The following CTNND2 variants were observed in gnomAD, a reference collection of about 807,000 sequenced individuals.
The protein encoded by CTNND2 is catenin delta-2.
CTNND2 carries 22 observed loss-of-function variants against 144.4 expected under a neutral mutation model. The ratio of observed to expected loss-of-function variants is 0.15; its 90% confidence interval spans 0.11 to 0.22. The LOEUF is 0.22. Ranked by LOEUF, CTNND2 falls within the 10% of genes least tolerant of loss-of-function variation. CTNND2 has a pLI of 1.00. For synonymous variants in CTNND2, 751 were observed against 695.6 expected, an observed-to-expected ratio of 1.08 and a Z score of -1.25; for missense variants, 1,353 against 1,618.8, an observed-to-expected ratio of 0.84 and a Z score of 2.82.
chr5:11,345,427 A>G (rs976960629), intron 9 of CTNND2, among the ~76,000 whole-genome samples: 7 of 152,230 alleles, frequency 4.6e-5, no homozygotes, highest in Admixed American at 2.6e-4. Flanking sequence ...CGTAAACCAT[A>G]AAATGATCCC....
chr5:11,133,742 C>A (rs1755846667), intron 12 of CTNND2, among the ~76,000 whole-genome samples: 1 of 152,170 alleles, frequency 6.6e-6, no homozygotes, highest in Admixed American at 6.5e-5. Flanking sequence ...TGAGGTCTTG[C>A]AAGTTTATGC....
At chr5:11,389,489 G>A (rs903249582) in intron 6 of CTNND2, among the ~76,000 whole-genome samples, 3 of 151,404 alleles carry the variant, frequency 2.0e-5, no homozygotes, top group African/African-American at 7.3e-5. Flanking sequence ...TACATTACAT[G>A]GTGTGTGTGT....
chr5:11,705,962 C>T (rs13355037), intron 2 of CTNND2, among the ~76,000 whole-genome samples: 17,837 of 152,214 alleles, frequency 0.12, 3,478 homozygotes, highest in African/African-American at 0.4. Flanking sequence ...CTAGAGGAAG[C>T]AGCAGCTGTA....
chr5:11,033,036 T>C (rs1305519032), intron 16 of CTNND2, among the ~76,000 whole-genome samples: 2 of 152,226 alleles, frequency 1.3e-5, no homozygotes, highest in East Asian at 1.9e-4. Context: ...GATATAGCCA[T>C]TGCTGGAAAC....
At chr5:11,109,866 C>A (rs542400155) in intron 14 of CTNND2, among the ~76,000 whole-genome samples, 2 of 152,322 alleles carry the variant, frequency 1.3e-5, no homozygotes, top group South Asian at 4.1e-4. Flanking sequence ...ATATTTTGTA[C>A]AGGCAAATAG....
At chr5:11,579,115 A>G (rs1231533958) in intron 2 of CTNND2, among the ~76,000 whole-genome samples, 2 of 149,646 alleles carry the variant, frequency 1.3e-5, no homozygotes, top group East Asian at 2.0e-4. Flanking sequence ...ATTTAAACCT[A>G]TCTTCAAGCT....
chr5:11,478,295 T>C (rs1314007159), intron 3 of CTNND2, among the ~76,000 whole-genome samples: 3 of 152,352 alleles, frequency 2.0e-5, no homozygotes, highest in Non-Finnish European at 2.9e-5. Context: ...ATACATTTGA[T>C]ATCTGTTTTT....
intron 14 of CTNND2, among the ~76,000 whole-genome samples, chr5:11,099,304 G>A (rs1354143255): frequency 6.6e-6 from 1 of 152,118 alleles, no homozygotes; most frequent in Non-Finnish European, 1.5e-5. Flanking sequence ...TAGTCTATTA[G>A]ACACAATGAC....
chr5:11,570,826 T>C (rs1777497297), intron 2 of CTNND2, among the ~76,000 whole-genome samples: 1 of 152,132 alleles, frequency 6.6e-6, no homozygotes, highest in African/African-American at 2.4e-5. Context: ...AAATTTTTAA[T>C]GCTTTTCTCC....
rs147727512 is a variant in CTNND2, at chr5:11,499,710, T to A, written c.287+65234A>T. On this transcript the variant is annotated intron_variant, in intron 3 of 21. Coordinates refer to ENST00000304623, the MANE Select transcript of CTNND2 (RefSeq NM_001332.4). ...ACCTGATTTCAAATTCATATAAAAA[T>A]TTCTCTTGTCTCAAAGTTTTTTTTA... Among the ~76,000 whole-genome samples, 69 of 152,284 alleles carry A rather than the reference T, an allele frequency of 4.5e-4. No homozygotes were observed. In the East Asian group the frequency reaches 0.013, roughly 29 times the overall value.
At chr5:11,375,349 C>A (rs1757834352) in intron 7 of CTNND2, among the ~76,000 whole-genome samples, 14 of 152,156 alleles carry the variant, frequency 9.2e-5, no homozygotes, top group Admixed American at 9.2e-4. Flanking sequence ...ATTAGTAATT[C>A]TCTGTACTTA....
intron 9 of CTNND2, among the ~76,000 whole-genome samples, chr5:11,298,599 T>C (rs2150028385): frequency 6.6e-6 from 1 of 152,382 alleles, no homozygotes; most frequent in African/African-American, 2.4e-5. Flanking sequence ...TTCTCTCATT[T>C]AGTTATGTCT....
chr5:11,553,478 T>C (rs1404199754), intron 3 of CTNND2, among the ~76,000 whole-genome samples: 11 of 152,236 alleles, frequency 7.2e-5, no homozygotes, highest in Non-Finnish European at 1.3e-4. Flanking sequence ...CTCATAACAG[T>C]TGGTATGTGA....
At chr5:11,348,319 T>A (rs1262597107) in intron 8 of CTNND2, among the ~76,000 whole-genome samples, 1 of 151,832 alleles carries the variant, frequency 6.6e-6, no homozygotes, top group Non-Finnish European at 1.5e-5. Flanking sequence ...CCTTATATTA[T>A]GCTGAAAGGG....
chr5:11,421,940 T>C (rs1762396742), intron 3 of CTNND2, among the ~76,000 whole-genome samples: 3 of 152,160 alleles, frequency 2.0e-5, no homozygotes, highest in Non-Finnish European at 4.4e-5. Flanking sequence ...CCCATAGTGA[T>C]TGTACAAAAG....
intron 10 of CTNND2, among the ~76,000 whole-genome samples, chr5:11,213,027 G>C (rs1161445563): frequency 1.3e-5 from 2 of 152,192 alleles, no homozygotes; most frequent in Non-Finnish European, 2.9e-5. Flanking sequence ...TCATGTAAAA[G>C]TGTATCTTAG....
intron 8 of CTNND2, among the ~76,000 whole-genome samples, chr5:11,357,737 A>C (rs1053080275): frequency 6.6e-6 from 1 of 152,190 alleles, no homozygotes; most frequent in Admixed American, 6.5e-5. Context: ...GGATACACAC[A>C]CTGCCCTGAC....
At chr5:11,083,974 CA>C in intron 15 of CTNND2, 15 of 1,086,100 alleles carry the variant, frequency 1.4e-5, no homozygotes, top group Middle Eastern at 2.5e-4. Context: ...AATATGAAAT[CA>C]AAAAAACAAC....
intron 3 of CTNND2, among the ~76,000 whole-genome samples, chr5:11,539,244 T>A (rs763170139): frequency 1.7e-4 from 26 of 152,296 alleles, no homozygotes; most frequent in Non-Finnish European, 2.6e-4. Context: ...TTACTTGGAC[T>A]GATGATAGAA....
Sources: allele counts gnomAD v4.1 joint callset (sites outside exome capture counted in the v4.1 genomes callset), GRCh38; gene constraint gnomAD v4.1.1; transcripts MANE v1.5; gene names NCBI Gene and HGNC (gene_info 2026-07-23, HGNC 2026-07-21).